TSACC: variants seen among roughly 807,000 people sequenced by gnomAD.
TSACC encodes TSSK6-activating co-chaperone protein.
Under a neutral mutation model 6.9 loss-of-function variants are expected in TSACC, and 3 were observed. The observed-to-expected ratio is 0.43, with a 90% CI of 0.20 to 1.12. The LOEUF (loss-of-function observed/expected upper bound fraction) is 1.12, where lower values mean the gene tolerates loss of function less well. Among genes scored for constraint, TSACC ranks in the 50% most tolerant of loss-of-function variants. The pLI, the probability that TSACC is intolerant of heterozygous loss-of-function variation, is 0.28. For synonymous variants in TSACC, 54 were observed against 55.1 expected, an observed-to-expected ratio of 0.98 and a Z score of 0.09; for missense variants, 137 against 143.9, an observed-to-expected ratio of 0.95 and a Z score of 0.24.
chr1:156,337,826 C>G, upstream of TSACC: 1 of 415,612 alleles, frequency 2.4e-6, no homozygotes, highest in Non-Finnish European at 4.3e-6. Flanking sequence ...ATTCGTGCAG[C>G]TACATAGCGA....
intron 3 of TSACC, among the ~76,000 whole-genome samples, chr1:156,346,246 G>C (rs1254204862): frequency 2.7e-5 from 4 of 149,928 alleles, no homozygotes; most frequent in Non-Finnish European, 5.9e-5. Context: ...AATGTAGCAA[G>C]AATGGTTGAA....
intron 2 of TSACC, among the ~76,000 whole-genome samples, chr1:156,340,208 G>A (rs557444578): frequency 6.6e-6 from 1 of 152,290 alleles, no homozygotes; most frequent in East Asian, 1.9e-4. Context: ...ACCCAGGCTG[G>A]GGTGCAGAGG....
At chr1:156,338,377 T>C, upstream of TSACC, 2 of 606,140 alleles carry the variant, frequency 3.3e-6, no homozygotes, top group Non-Finnish European at 5.9e-6. Context: ...TTGACAGCCT[T>C]AGTCCCGCCC....
chr1:156,338,859 A>C (rs1324397759), intron 1 of TSACC: 1 of 153,226 alleles, frequency 6.5e-6, no homozygotes, highest in Non-Finnish European at 1.5e-5. Context: ...CTCTGGACTA[A>C]TGGCTGTATG....
chr1:156,338,274 C>T (rs780915854), upstream of TSACC: 14 of 1,373,550 alleles, frequency 1.0e-5, no homozygotes, highest in Non-Finnish European at 9.1e-6. Context: ...CCAGAAAACG[C>T]TGCCTCCTCA....
upstream of TSACC, chr1:156,338,307 C>G: frequency 1.1e-6 from 1 of 916,828 alleles, no homozygotes; most frequent in Non-Finnish European, 1.7e-6. Flanking sequence ...CAACCCGCTA[C>G]TCTCAAGGTA....
chr1:156,345,033 G>T (rs1182611972), intron 3 of TSACC, among the ~76,000 whole-genome samples: 2 of 152,314 alleles, frequency 1.3e-5, no homozygotes, highest in East Asian at 3.9e-4. Context: ...TTAAAAAACG[G>T]TGGCTAGAGA....
rs935993358 is a variant in TSACC at position 156,344,617 on chromosome 1, T to C, written c.72T>C (p.Cys24=). ...AKEEANAVPL[C]RAKPSPSYIN... ...AGGAAGCTAATGCTGTGCCTCTCTG[T>C]AGAGCAAAACCCTCCCCCAGCTATA... is the stretch of plus-strand genomic sequence containing the variant. The change falls in exon 3 of 4, where the codon TGT becomes TGC. Residue 24 remains cysteine (C), a synonymous_variant. Transcript: ENST00000368254. The C allele has an allele frequency of 6.2e-7, 1 of 1,614,112 alleles. No homozygotes were observed. The highest frequency in any genetic ancestry group is 1.6e-4 in the Middle Eastern group (1 of 6,062).
chr1:156,338,882 T>G (rs1180383597), intron 1 of TSACC: 1 of 152,728 alleles, frequency 6.5e-6, no homozygotes, highest in African/African-American at 2.4e-5. Context: ...GACTTTTCCC[T>G]TCTTAGGAAA....
chr1:156,345,959 C>T (rs944272745), intron 3 of TSACC, among the ~76,000 whole-genome samples: 2 of 151,634 alleles, frequency 1.3e-5, no homozygotes, highest in Non-Finnish European at 2.9e-5. Context: ...TTTGGAAGGC[C>T]AAGGCAGGTG....
At chr1:156,337,380 C>A, upstream of TSACC, 1 of 186,352 alleles carries the variant, frequency 5.4e-6, no homozygotes, top group South Asian at 7.2e-5. Flanking sequence ...TGCAACCCAG[C>A]CTGGGTGACA....
At chr1:156,338,041 G>A (rs557982593), upstream of TSACC, 1 of 1,168,772 alleles carries the variant, frequency 8.6e-7, no homozygotes, top group Admixed American at 2.0e-5. Context: ...TGAAGACGAT[G>A]ATTGGAAGGC....
At chr1:156,345,603 C>T (rs1324026610) in intron 3 of TSACC, among the ~76,000 whole-genome samples, 1 of 151,748 alleles carries the variant, frequency 6.6e-6, no homozygotes, top group Non-Finnish European at 1.5e-5. Flanking sequence ...CTCGGTGGCT[C>T]ATGCCTGTAA....
In TSACC at chr1:156,339,629, T is replaced by C. The variant is rs111778624; in HGVS notation, c.-124-5T>C. 5 of 1,165,824 alleles carry C rather than the reference T, an allele frequency of 4.3e-6. No homozygotes were observed. The highest frequency in any genetic ancestry group is 6.1e-6 in the Non-Finnish European group (5 of 815,204). The allele number at this position is 1,165,824 out of a possible 1,614,324, so 72.2% of individuals were successfully genotyped here. A position where few individuals can be genotyped will look rare whatever the true frequency, so the allele number is the denominator to read the frequency against. On this transcript the variant is annotated splice_polypyrimidine_tract_variant and splice_region_variant and intron_variant, in intron 1 of 3. Transcript: ENST00000368254. ...AAATAGAGTTTCCTACTTTTTCCTCTGCAGATTGGAACAGGCTGAGATCTG... is the reference window on the plus strand; with the variant it reads ...AAATAGAGTTTCCTACTTTTTCCTCCGCAGATTGGAACAGGCTGAGATCTG...
In TSACC at chr1:156,339,256, C is replaced by G. The variant is rs1350386630; in HGVS notation, c.-124-378C>G. ...TCCAGCCTGGCGACAGAGCGAGACT[C>G]CATCTCAAAAAAAAAAAAAAAAGTA... On this transcript the variant is annotated intron_variant, in intron 1 of 3. Transcript: ENST00000368254. Among the ~76,000 whole-genome samples the G allele has an allele frequency of 2.2e-5, 3 of 134,496 alleles. No homozygotes were observed. In the Admixed American group the frequency reaches 2.5e-4, roughly 11 times the overall value. 88.2% of individuals were successfully genotyped at this position (134,496 alleles called of 152,430 possible).
At chr1:156,345,505 G>A (rs1302335390) in intron 3 of TSACC, among the ~76,000 whole-genome samples, 1 of 151,994 alleles carries the variant, frequency 6.6e-6, no homozygotes, top group Non-Finnish European at 1.5e-5. Flanking sequence ...GGAGGTTGCA[G>A]TGAGCCAAGA....
At chr1:156,345,832 A>G (rs1276588587) in intron 3 of TSACC, among the ~76,000 whole-genome samples, 1 of 151,604 alleles carries the variant, frequency 6.6e-6, no homozygotes, top group Non-Finnish European at 1.5e-5. Flanking sequence ...GTGCCGCTGC[A>G]CTGCATCCTG....
At chr1:156,344,459 T>C in intron 2 of TSACC, 121 bp from the exon 3 acceptor site, 1 of 1,372,748 alleles carries the variant, frequency 7.3e-7, no homozygotes, top group Non-Finnish European at 9.8e-7. Context: ...TGTATCTTTC[T>C]GATATGTAAC....
chr1:156,337,838 A>C (rs1665504578), upstream of TSACC: 2 of 452,596 alleles, frequency 4.4e-6, no homozygotes, highest in Admixed American at 3.9e-5. Context: ...ACATAGCGAC[A>C]ATCAGGCTAG....
Sources: allele counts gnomAD v4.1 joint callset (sites outside exome capture counted in the v4.1 genomes callset), GRCh38; gene constraint gnomAD v4.1.1; transcripts MANE v1.5; gene names NCBI Gene and HGNC (gene_info 2026-07-23, HGNC 2026-07-21).